The following ATP8B4 variants were observed in gnomAD, a reference collection of about 807,000 sequenced individuals.
ATP8B4 encodes the protein ATPase phospholipid transporting 8B4 (putative).
Under a neutral mutation model 145.6 loss-of-function variants are expected in ATP8B4, and 133 were observed. The observed-to-expected ratio is 0.91, with a 90% CI of 0.79 to 1.05. The LOEUF (loss-of-function observed/expected upper bound fraction) is 1.05. Among genes scored for constraint, ATP8B4 ranks in the 50% least tolerant of loss-of-function variants. ATP8B4 has a pLI of 0.00. For missense variants in ATP8B4, 1,458 were observed against 1,425.2 expected (o/e 1.02, Z -0.37); for synonymous variants, 507 against 492.9 (o/e 1.03, Z -0.38).
chr15:50,055,764 T>C (rs1567276062), intron 3 of ATP8B4, among the ~76,000 whole-genome samples: 1 of 152,102 alleles, frequency 6.6e-6, no homozygotes, highest in Non-Finnish European at 1.5e-5. Context: ...CAAAAAGGGA[T>C]TGTGTCCACA....
At chr15:50,078,983 C>A (rs1243840468) in intron 2 of ATP8B4, among the ~76,000 whole-genome samples, 17 of 152,160 alleles carry the variant, frequency 1.1e-4, no homozygotes, top group Admixed American at 1.1e-3. Flanking sequence ...AACAGCTACT[C>A]AAGAATGTAC....
At chr15:50,065,992 T>G (rs1225961453) in intron 3 of ATP8B4, among the ~76,000 whole-genome samples, 2 of 139,014 alleles carry the variant, frequency 1.4e-5, no homozygotes, top group Non-Finnish European at 3.1e-5. Flanking sequence ...GGAATAGAAA[T>G]TCAGAGGCCA....
intron 2 of ATP8B4, among the ~76,000 whole-genome samples, chr15:50,074,852 C>T (rs919888784): frequency 1.3e-5 from 2 of 152,152 alleles, no homozygotes; most frequent in African/African-American, 2.4e-5. Flanking sequence ...TAAGACAGTG[C>T]CCCAGAAACA....
chr15:49,908,674 G>T (rs934876476), intron 20 of ATP8B4, among the ~76,000 whole-genome samples: 9 of 152,050 alleles, frequency 5.9e-5, no homozygotes, highest in Non-Finnish European at 8.8e-5. Flanking sequence ...TGAGAGCCCA[G>T]CCCCACCAGA....
intron 6 of ATP8B4, among the ~76,000 whole-genome samples, chr15:50,014,187 G>A (rs899068966): frequency 1.3e-5 from 2 of 152,132 alleles, no homozygotes; most frequent in Non-Finnish European, 2.9e-5. Context: ...GTACTAGAGA[G>A]AGTAGATAAT....
chr15:49,954,201 A>T (rs150234422), intron 14 of ATP8B4, among the ~76,000 whole-genome samples: 1 of 152,186 alleles, frequency 6.6e-6, no homozygotes, highest in African/African-American at 2.4e-5. Context: ...CAGATGGCCT[A>T]TTGTGGGACT....
At position 49,859,952 on chromosome 15, in the gene ATP8B4, G is replaced by T; in HGVS notation, c.*242C>A. 1 of 449,052 alleles carries T rather than the reference G, an allele frequency of 2.2e-6. No homozygotes were observed. Among genetic ancestry groups the T allele is most frequent in the Admixed American group, 3.9e-5 (1 of 25,382 alleles). The allele number at this position is 449,052 out of a possible 1,614,324, so 27.8% of individuals were successfully genotyped here. A position where few individuals can be genotyped will look rare whatever the true frequency, so the allele number is the denominator to read the frequency against. ...GTTGATTTAAAAAAAAAAAAAATCT[G>T]TACTTGTAACAGCGAGTGTTTTGTC... On this transcript the variant is annotated 3_prime_UTR_variant, in exon 28 of 28. Transcript: ENST00000284509.
rs374284905 is a variant in ATP8B4, at chr15:49,866,317, G to A, written c.3166+29C>T. ...GACAAGTAAACAGCAGCAGACACTA[G>A]GTTCCACTAGTCAACATGACTCACT... On this transcript the variant is annotated intron_variant, in intron 26 of 27. Coordinates refer to ENST00000284509, the MANE Select transcript of ATP8B4 (RefSeq NM_024837.4). 3.4e-5 allele frequency: 54 copies of A among 1,608,262 alleles called. 1 individual carries two copies. The highest frequency in any genetic ancestry group is 4.3e-5 in the Non-Finnish European group (51 of 1,176,208).
At chr15:49,950,172 C>T (rs2042939835) in intron 14 of ATP8B4, among the ~76,000 whole-genome samples, 1 of 152,128 alleles carries the variant, frequency 6.6e-6, no homozygotes, top group African/African-American at 2.4e-5. Flanking sequence ...ATGCTGGCTT[C>T]ATAAAATGAG....
intron 1 of ATP8B4, among the ~76,000 whole-genome samples, chr15:50,137,777 T>A (rs62023189): frequency 0.16 from 24,570 of 151,944 alleles, 2,245 homozygotes; most frequent in Non-Finnish European, 0.21. Context: ...GCTGGGAGGG[T>A]CGTCATCTTG....
chr15:49,948,335 G>T (rs2042761876), intron 14 of ATP8B4, among the ~76,000 whole-genome samples: 1 of 151,300 alleles, frequency 6.6e-6, no homozygotes, highest in African/African-American at 2.4e-5. Flanking sequence ...TGTAGTCCCA[G>T]CTACTTGGGA....
At chr15:50,019,189 G>A (rs949347787) in intron 6 of ATP8B4, among the ~76,000 whole-genome samples, 1 of 152,200 alleles carries the variant, frequency 6.6e-6, no homozygotes, top group African/African-American at 2.4e-5. Flanking sequence ...CACCTTTAAA[G>A]AAGAGAATAT....
intron 2 of ATP8B4, among the ~76,000 whole-genome samples, chr15:50,076,182 G>C (rs555953569): frequency 1.3e-5 from 2 of 152,198 alleles, no homozygotes; most frequent in East Asian, 3.9e-4. Flanking sequence ...CCAGAATCTT[G>C]ACTCTGTGAG....
chr15:49,881,432 T>A (rs1007880657), intron 23 of ATP8B4, among the ~76,000 whole-genome samples: 4 of 152,206 alleles, frequency 2.6e-5, no homozygotes, highest in Non-Finnish European at 5.9e-5. Context: ...ACAAAATTCA[T>A]GAAAATTTAA....
rs199917299 is a variant in ATP8B4, at chr15:49,860,261, T to G, written c.3512A>C (p.Glu1171Ala). Reference protein sequence around the residue: ...KTHYNSTSWIENLCKKTTDTV... With the variant: ...KTHYNSTSWIANLCKKTTDTV... Reference sequence around the variant, plus strand: ...GTCTGTGGTTTTCTTACATAAATTTTCAATCCAGCTAGTGCTATTATAATG... The same window carrying G: ...GTCTGTGGTTTTCTTACATAAATTTGCAATCCAGCTAGTGCTATTATAATG... The change falls in exon 28 of 28, where the codon GAA (glutamate) becomes GCA (alanine). Residue 1171 changes from glutamate (E) to alanine (A), a missense_variant. Glu to Ala is a moderately radical substitution (Grantham distance 107, BLOSUM62 -1). Coordinates refer to ENST00000284509, the MANE Select transcript of ATP8B4 (RefSeq NM_024837.4). The G allele has an allele frequency of 1.2e-4, 192 of 1,614,188 alleles. No individual in the cohort carries two copies. Among genetic ancestry groups the G allele is most frequent in the Non-Finnish European group, 1.6e-4 (189 of 1,180,006 alleles).
At chr15:49,918,526 A>G (rs549525353) in intron 19 of ATP8B4, among the ~76,000 whole-genome samples, 5 of 152,318 alleles carry the variant, frequency 3.3e-5, no homozygotes, top group African/African-American at 1.2e-4. Context: ...GACTGGGGAC[A>G]GTGTTCATAT....
intron 12 of ATP8B4, among the ~76,000 whole-genome samples, chr15:49,979,112 C>T (rs1244347014): frequency 3.9e-5 from 6 of 151,996 alleles, no homozygotes; most frequent in Non-Finnish European, 7.4e-5. Context: ...ACTCCTCATA[C>T]AATCGTATGA....
intron 1 of ATP8B4, among the ~76,000 whole-genome samples, chr15:50,108,736 G>T (rs2056803251): frequency 6.6e-6 from 1 of 152,054 alleles, no homozygotes; most frequent in African/African-American, 2.4e-5. Context: ...AGCACTTCCT[G>T]TGTGTTCCCG....
intron 13 of ATP8B4, among the ~76,000 whole-genome samples, chr15:49,967,956 T>G (rs1017105389): frequency 6.6e-6 from 1 of 151,850 alleles, no homozygotes; most frequent in African/African-American, 2.4e-5. Flanking sequence ...CAGAAGAGAG[T>G]GAGGGTCAAT....
Sources: allele counts gnomAD v4.1 joint callset (sites outside exome capture counted in the v4.1 genomes callset), GRCh38; gene constraint gnomAD v4.1.1; transcripts MANE v1.5; gene names NCBI Gene and HGNC (gene_info 2026-07-23, HGNC 2026-07-21).